The following FGF12 variants were observed in gnomAD, a reference collection of about 807,000 sequenced individuals.
The protein encoded by FGF12 is fibroblast growth factor 12B.
Under a neutral mutation model 23.6 loss-of-function variants are expected in FGF12, and 14 were observed. The observed-to-expected ratio is 0.59, with a 90% CI of 0.39 to 0.93. The LOEUF is 0.93. Ranked by LOEUF, FGF12 falls within the 40% of genes least tolerant of loss-of-function variation. The pLI is 0.00. For missense variants in FGF12, 175 were observed against 217.8 expected (o/e 0.80, Z 1.24); for synonymous variants, 62 against 77.3 (o/e 0.80, Z 1.04).
intron 2 of FGF12, among the ~76,000 whole-genome samples, chr3:192,405,319 A>G (rs1233904549): frequency 6.6e-6 from 1 of 151,176 alleles, no homozygotes; most frequent in Non-Finnish European, 1.5e-5. Flanking sequence ...TACTACACAT[A>G]TCAGAACTTG....
intron 2 of FGF12, among the ~76,000 whole-genome samples, chr3:192,607,192 T>C (rs2108636387): frequency 6.6e-6 from 1 of 152,264 alleles, no homozygotes; most frequent in South Asian, 2.1e-4. Flanking sequence ...TTGACTAAAG[T>C]TGGACAAAAA....
chr3:192,214,846 AT>A (rs1293937066), intron 4 of FGF12, among the ~76,000 whole-genome samples: 1 of 152,236 alleles, frequency 6.6e-6, no homozygotes, highest in African/African-American at 2.4e-5. Flanking sequence ...AAAGAATAAT[AT>A]TTGTCAACTT....
At chr3:192,673,001 A>C (rs917251105) in intron 2 of FGF12, 1 of 151,092 alleles carries the variant, frequency 6.6e-6, no homozygotes, top group African/African-American at 2.4e-5. Flanking sequence ...TGGTTTTGCA[A>C]TCACTTCAAG....
chr3:192,378,083 T>TTTCTTTCTTTCC (rs1719639415), intron 2 of FGF12, among the ~76,000 whole-genome samples: 1 of 121,826 alleles, frequency 8.2e-6, no homozygotes, highest in Non-Finnish European at 1.7e-5. Flanking sequence ...TCTTTCTTTC[T>TTTCTTTCTTTCC]TTCTTTCTTT....
chr3:192,330,742 CA>C (rs1215966621), intron 4 of FGF12, among the ~76,000 whole-genome samples: 1 of 150,172 alleles, frequency 6.7e-6, no homozygotes, highest in Non-Finnish European at 1.5e-5. Flanking sequence ...AACAAACAAA[CA>C]AAAAACCTCC....
chr3:192,236,364 T>A (rs1402773917), intron 4 of FGF12, among the ~76,000 whole-genome samples: 1 of 152,188 alleles, frequency 6.6e-6, no homozygotes, highest in Non-Finnish European at 1.5e-5. Flanking sequence ...TCTCTAGATG[T>A]CTCCGAATTC....
chr3:192,168,374 G>T (rs914479695), intron 5 of FGF12, among the ~76,000 whole-genome samples: 3 of 152,032 alleles, frequency 2.0e-5, no homozygotes, highest in Non-Finnish European at 4.4e-5. Context: ...GCACTTTCCT[G>T]CCTTTATTCA....
chr3:192,230,527 A>C (rs1411220083), intron 4 of FGF12, among the ~76,000 whole-genome samples: 1 of 152,158 alleles, frequency 6.6e-6, no homozygotes, highest in Non-Finnish European at 1.5e-5. Context: ...CAATAATTAG[A>C]GAAAAAATGC....
intron 4 of FGF12, among the ~76,000 whole-genome samples, chr3:192,292,559 A>G (rs533413395): frequency 1.4e-4 from 21 of 152,298 alleles, no homozygotes; most frequent in Non-Finnish European, 2.4e-4. Context: ...TAAAGGAAAA[A>G]TCATTCATTT....
At chr3:192,252,462 C>CAACAAAAAAAAA (rs1712084620) in intron 4 of FGF12, among the ~76,000 whole-genome samples, 1 of 27,494 alleles carries the variant, frequency 3.6e-5, no homozygotes, top group African/African-American at 1.3e-4. Context: ...GAATCTGTCT[C>CAACAAAAAAAAA]AAAAAAAAAA....
intron 3 of FGF12, among the ~76,000 whole-genome samples, chr3:192,343,358 G>A (rs752360615): frequency 2.0e-5 from 3 of 152,108 alleles, no homozygotes; most frequent in Non-Finnish European, 2.9e-5. Context: ...TTATTAGAGT[G>A]TGAATAAGAT....
At position 192,233,719 on chromosome 3, in the gene FGF12, T is replaced by C. The variant is rs117215196; in HGVS notation, c.229-63063A>G. ...GTCTTTAATTTTGAGTTGATTTTTG[T>C]ATATGGTAGAAGGAAGTGGCCCAGT... On this transcript the variant is annotated intron_variant, in intron 4 of 5. Transcript: ENST00000445105. 2.8e-3 allele frequency among the ~76,000 whole-genome samples: 428 copies of C among 152,258 alleles called. 8 individuals carry two copies. Among genetic ancestry groups the C allele is most frequent in the Admixed American group, 0.025 (386 of 15,284 alleles).
chr3:192,159,091 T>C (rs79484806), intron 5 of FGF12, among the ~76,000 whole-genome samples: 2,813 of 152,240 alleles, frequency 0.018, 93 homozygotes, highest in African/African-American at 0.063. Flanking sequence ...AGCTCCCTCC[T>C]CATTTCTCTA....
At chr3:192,421,638 G>C (rs1721530317) in intron 2 of FGF12, among the ~76,000 whole-genome samples, 1 of 152,076 alleles carries the variant, frequency 6.6e-6, no homozygotes, top group Non-Finnish European at 1.5e-5. Flanking sequence ...CATGGACATA[G>C]AGAGGGGAAC....
chr3:192,433,879 A>G (rs964656998), intron 2 of FGF12, among the ~76,000 whole-genome samples: 10 of 152,194 alleles, frequency 6.6e-5, no homozygotes, highest in African/African-American at 1.9e-4. Flanking sequence ...CATGCCCCAC[A>G]CTGAGTCAGC....
intron 2 of FGF12, among the ~76,000 whole-genome samples, chr3:192,562,516 A>G (rs909498015): frequency 2.0e-5 from 3 of 152,212 alleles, no homozygotes; most frequent in Admixed American, 6.5e-5. Flanking sequence ...TAAAAAACCC[A>G]CAATGAAGTA....
At chr3:192,703,223 T>A (rs1237259864) in intron 2 of FGF12, among the ~76,000 whole-genome samples, 2 of 152,184 alleles carry the variant, frequency 1.3e-5, no homozygotes, top group African/African-American at 4.8e-5. Flanking sequence ...AAGTGAATAT[T>A]GCAATAAAGC....
chr3:192,462,361 G>C (rs1210525975), intron 2 of FGF12, among the ~76,000 whole-genome samples: 1 of 152,008 alleles, frequency 6.6e-6, no homozygotes, highest in Non-Finnish European at 1.5e-5. Context: ...GCATTTAATG[G>C]GTTATCATGG....
At chr3:192,714,492 T>C (rs1241416859) in intron 2 of FGF12, among the ~76,000 whole-genome samples, 6 of 151,372 alleles carry the variant, frequency 4.0e-5, no homozygotes, top group Admixed American at 2.0e-4. Flanking sequence ...CTGAGTCTTA[T>C]TTATAGATCT....
Sources: gnomAD v4.1 joint callset for allele counts (sites outside exome capture counted in the v4.1 genomes callset) on GRCh38, gnomAD v4.1.1 for gene constraint, MANE v1.5 for transcripts, NCBI Gene and HGNC (gene_info 2026-07-23, HGNC 2026-07-21) for gene names.